The following CACNA1I variants were observed in gnomAD, a reference collection of about 807,000 sequenced individuals.
CACNA1I encodes voltage-dependent T-type calcium channel subunit alpha-1I.
In CACNA1I, 74 loss-of-function variants were observed where a neutral mutation model predicts 201.6. The ratio of observed to expected loss-of-function variants is 0.37; its 90% CI spans 0.30 to 0.45. The LOEUF (loss-of-function observed/expected upper bound fraction) is 0.45. Ranked by LOEUF, CACNA1I falls within the 20% of genes least tolerant of loss-of-function variation. CACNA1I has a pLI of 1.00. For missense variants in CACNA1I, 2,346 were observed against 3,138.1 expected (o/e 0.75, Z 6.03); for synonymous variants, 1,431 against 1,345.2 (o/e 1.06, Z -1.40).
At chr22:39,673,112 G>C (rs762767652) in intron 28 of CACNA1I, 30 bp downstream of exon 28, 1 of 1,602,384 alleles carries the variant, frequency 6.2e-7, no homozygotes, top group Non-Finnish European at 8.5e-7. Context: ...ACAGGGAACG[G>C]GGACAAGCAG....
intron 10 of CACNA1I, among the ~76,000 whole-genome samples, chr22:39,650,322 T>A (rs938098064): frequency 7.3e-5 from 11 of 151,550 alleles, no homozygotes; most frequent in African/African-American, 9.7e-5. Flanking sequence ...AAAAAAAAAA[T>A]TTAAAAAACA....
intron 10 of CACNA1I, among the ~76,000 whole-genome samples, chr22:39,652,414 T>C (rs539579037): frequency 6.6e-6 from 1 of 152,290 alleles, no homozygotes; most frequent in Admixed American, 6.5e-5. Context: ...CCTGATTTCC[T>C]CATCTACTAA....
In CACNA1I at chr22:39,679,296, G is replaced by A. The variant is rs1309580485; in HGVS notation, c.5245G>A (p.Glu1749Lys). 15 of 1,562,644 alleles carry A rather than the reference G, an allele frequency of 9.6e-6. No homozygotes were observed. The highest frequency in any genetic ancestry group is 6.8e-5 in the African/African-American group (5 of 73,626). Residue 1749 changes from glutamate (E) to lysine (K), a missense_variant, in exon 32 of 37, where the codon GAG becomes AAG. Glu to Lys is a moderately conservative substitution (Grantham distance 56, BLOSUM62 1). Around this residue, in one of 13 missense-constraint regions of CACNA1I, gnomAD observed 441 missense variants for 555.6 expected, o/e 0.79. Coordinates refer to ENST00000402142, the MANE Select transcript of CACNA1I (RefSeq NM_021096.4). Reference sequence around the variant, plus strand: ...GCAGGAGGACGCCGAGATGGATGCCGAGCTCGAGCTGGAGATGGCCCATGG... The same window carrying A: ...GCAGGAGGACGCCGAGATGGATGCCAAGCTCGAGCTGGAGATGGCCCATGG... ...EAQEDAEMDA[E>K]LELEMAHGLG...
At chr22:39,582,499 A>G (rs1218432349) in intron 1 of CACNA1I, among the ~76,000 whole-genome samples, 1 of 152,020 alleles carries the variant, frequency 6.6e-6, no homozygotes, top group Non-Finnish European at 1.5e-5. Context: ...ATTCAGTGGC[A>G]CTCAGTCTGA....
In CACNA1I at chr22:39,684,597, AACC is replaced by A. The variant is rs1349781386; in HGVS notation, c.6027+101_6027+103del. The A allele has an allele frequency of 7.9e-5, 105 of 1,330,196 alleles. No individual in the cohort carries two copies. Among genetic ancestry groups the A allele is most frequent in the Admixed American group, 2.2e-4 (11 of 50,488 alleles). The allele number at this position is 1,330,196 out of a possible 1,614,324, so 82.4% of individuals were successfully genotyped here. ...CAAGGGACTGGGAGGGGAAGGACCC[AACC>A]AAAGGCCGAGGGCACCACCGTGCAA... is the stretch of plus-strand genomic sequence containing the variant. On this transcript the variant is annotated intron_variant, in intron 36 of 36. Transcript: ENST00000402142. The surrounding 1 kb of genome is among the most constrained non-coding windows in gnomAD (Gnocchi z 4.6).
At chr22:39,645,025 T>G (rs980908184) in intron 7 of CACNA1I, among the ~76,000 whole-genome samples, 5 of 151,758 alleles carry the variant, frequency 3.3e-5, no homozygotes, top group African/African-American at 1.2e-4. Context: ...TTGCTCTTGT[T>G]GCCCAGCCTG....
intron 34 of CACNA1I, 114 bp downstream of exon 34, chr22:39,681,166 G>A (rs1935693915): frequency 2.5e-6 from 3 of 1,207,474 alleles, no homozygotes; most frequent in Admixed American, 5.3e-5. Context: ...GGCACCCACT[G>A]TGCTAGGCCT....
rs13056923 is a variant in CACNA1I, at chr22:39,649,080, C to T, written c.1568-421C>T. On this transcript the variant is annotated intron_variant, in intron 9 of 36. Transcript: ENST00000402142. This position sits in a 1 kb window ranked among gnomAD's most constrained non-coding sequence, Gnocchi z 7.3. ...AGAACACCAAGTCCACCATGGCCTT[C>T]TCTGACGGGGGCTGCCCCCACATTG... 6.6e-6 allele frequency among the ~76,000 whole-genome samples: 1 copy of T among 152,216 alleles called. No individual in the cohort carries two copies. The highest frequency in any genetic ancestry group is 2.4e-5 in the African/African-American group (1 of 41,442).
Position 39,686,225 on chromosome 22 carries a change from C to T in CACNA1I, c.6492C>T (p.Arg2164=). The T allele has an allele frequency of 1.6e-6, 2 of 1,244,008 alleles. No individual in the cohort carries two copies. The highest frequency in any genetic ancestry group is 2.0e-6 in the Non-Finnish European group (2 of 997,010). The allele number at this position is 1,244,008 out of a possible 1,614,324, so 77.1% of individuals were successfully genotyped here. A position where few individuals can be genotyped will look rare whatever the true frequency, so the allele number is the denominator to read the frequency against. The part of the protein sequence containing the change: ...SSTSSLAAPG[R]PHAAALAHGL... Reference sequence around the variant, plus strand: ...CCAGCAGCCTGGCCGCCCCCGGCCGCCCCCACGCCGCCGCCCTGGCCCACG... The same window carrying T: ...CCAGCAGCCTGGCCGCCCCCGGCCGTCCCCACGCCGCCGCCCTGGCCCACG... The change falls in exon 37 of 37, where the codon CGC becomes CGT. Residue 2164 remains arginine, a synonymous_variant. Transcript: ENST00000402142.
chr22:39,662,656 C>T, intron 17 of CACNA1I, 120 bp from the exon 18 acceptor site: 1 of 778,242 alleles, frequency 1.3e-6, no homozygotes, highest in Admixed American at 2.2e-5. Context: ...CCTGGCTGCC[C>T]CCGGGGGGCA....
chr22:39,581,135 G>T (rs1253400463), intron 1 of CACNA1I, among the ~76,000 whole-genome samples: 1 of 152,206 alleles, frequency 6.6e-6, no homozygotes, highest in African/African-American at 2.4e-5. Context: ...CAGCCAGCTT[G>T]TTCTGAGTGG....
chr22:39,593,368 T>C (rs1053577050), intron 1 of CACNA1I, among the ~76,000 whole-genome samples: 13 of 152,174 alleles, frequency 8.5e-5, no homozygotes, highest in African/African-American at 2.9e-4. Flanking sequence ...AATTCATCAC[T>C]GTGGTACGTG....
intron 7 of CACNA1I, among the ~76,000 whole-genome samples, chr22:39,646,088 G>A (rs1400057706): frequency 2.0e-5 from 3 of 152,062 alleles, no homozygotes; most frequent in Non-Finnish European, 4.4e-5. Flanking sequence ...TCTGAGGGGA[G>A]CTGGGCTTTG....
intron 10 of CACNA1I, among the ~76,000 whole-genome samples, chr22:39,650,245 C>T (rs1934608433): frequency 6.6e-6 from 1 of 151,970 alleles, no homozygotes; most frequent in Admixed American, 6.5e-5. Context: ...CATCCCCTGC[C>T]AGTCCCTGCA....
intron 1 of CACNA1I, among the ~76,000 whole-genome samples, chr22:39,580,204 G>A (rs1409883500): frequency 6.6e-6 from 1 of 152,206 alleles, no homozygotes; most frequent in African/African-American, 2.4e-5. Context: ...GGCCTAATGG[G>A]CTGTCCAGAC....
chr22:39,628,356 G>A (rs1324796532), intron 4 of CACNA1I, among the ~76,000 whole-genome samples: 1 of 152,166 alleles, frequency 6.6e-6, no homozygotes, highest in Non-Finnish European at 1.5e-5. Flanking sequence ...GGGAAAGGGT[G>A]CCTACCTGGT....
intron 3 of CACNA1I, among the ~76,000 whole-genome samples, chr22:39,602,176 A>T (rs1042220222): frequency 1.3e-4 from 19 of 146,100 alleles, no homozygotes; most frequent in African/African-American, 4.8e-4. Context: ...GGCTCAAAGG[A>T]TCCTCCCACC....
chr22:39,681,535 A>G (rs1935708121), intron 34 of CACNA1I, among the ~76,000 whole-genome samples: 1 of 152,172 alleles, frequency 6.6e-6, no homozygotes, highest in African/African-American at 2.4e-5. Context: ...ATGTGAGGAA[A>G]TGGTTCCAAG....
At chr22:39,681,378 G>T (rs377571732) in intron 34 of CACNA1I, among the ~76,000 whole-genome samples, 1 of 152,220 alleles carries the variant, frequency 6.6e-6, no homozygotes, top group Non-Finnish European at 1.5e-5. Context: ...AAGCGAACGG[G>T]GGAGTCATGT....
Sources: gnomAD v4.1 joint callset for allele counts (sites outside exome capture counted in the v4.1 genomes callset) on GRCh38, gnomAD v4.1.1 for gene constraint, gnomAD v4.1.1 regional missense constraint, Gnocchi (gnomAD v3.1) non-coding constraint, MANE v1.5 for transcripts, NCBI Gene and HGNC (gene_info 2026-07-23, HGNC 2026-07-21) for gene names.